DSCAM: variants seen among roughly 807,000 people sequenced by gnomAD.
DSCAM encodes cell adhesion molecule DSCAM.
DSCAM carries 47 observed loss-of-function variants against 217.7 expected under a neutral mutation model. That is an observed-to-expected ratio of 0.22 (90% CI 0.17 to 0.28). DSCAM has a LOEUF of 0.28. Among genes scored for constraint, DSCAM ranks in the 10% least tolerant of loss-of-function variants. DSCAM has a pLI of 1.00. For synonymous variants in DSCAM, 1,056 were observed against 1,015.3 expected (o/e 1.04, Z -0.76); for missense variants, 2,080 against 2,618.3 (o/e 0.79, Z 4.49).
chr21:40,640,240 C>G (rs1458362568), intron 3 of DSCAM, among the ~76,000 whole-genome samples: 1 of 148,228 alleles, frequency 6.7e-6, no homozygotes, highest in East Asian at 2.0e-4. Flanking sequence ...ACAAGGCCAC[C>G]TTTTCTTTTT....
At chr21:40,382,962 T>G (rs1309872565) in intron 3 of DSCAM, 1 of 152,230 alleles carries the variant, frequency 6.6e-6, no homozygotes, top group Non-Finnish European at 1.5e-5. Flanking sequence ...AAAGTAAAAG[T>G]GCAAACAATT....
chr21:40,181,986 G>A (rs1043184980), intron 14 of DSCAM, among the ~76,000 whole-genome samples: 1 of 152,056 alleles, frequency 6.6e-6, no homozygotes, highest in African/African-American at 2.4e-5. Context: ...TGAGGAAGGA[G>A]TGAAGAGCTG....
intron 3 of DSCAM, among the ~76,000 whole-genome samples, chr21:40,465,299 T>C (rs1388909980): frequency 6.6e-6 from 1 of 152,162 alleles, no homozygotes; most frequent in Non-Finnish European, 1.5e-5. Flanking sequence ...CTTTTCTCTC[T>C]CCCCACAATG....
At chr21:40,121,791 G>T (rs2090037934) in intron 20 of DSCAM, among the ~76,000 whole-genome samples, 1 of 145,686 alleles carries the variant, frequency 6.9e-6, no homozygotes, top group Admixed American at 7.1e-5. Flanking sequence ...CCAGGTTCAA[G>T]AGTTTCTCCT....
chr21:40,183,256 G>C lies in DSCAM; in HGVS notation c.2779+3875C>G, dbSNP rs1882790. On this transcript the variant is annotated intron_variant, in intron 14 of 32. Coordinates refer to ENST00000400454, the MANE Select transcript of DSCAM (RefSeq NM_001389.5). Reference sequence around the variant, plus strand: ...CAGACGAATCTGCTGGAGGTCCCCAGACAATATGCTCGAAGGGATGTTAAA... The same window carrying C: ...CAGACGAATCTGCTGGAGGTCCCCACACAATATGCTCGAAGGGATGTTAAA... Among the ~76,000 whole-genome samples, 254 of 152,324 alleles carry C rather than the reference G, an allele frequency of 1.7e-3. 1 individual carries two copies. The highest frequency in any genetic ancestry group is 5.6e-3 in the African/African-American group (234 of 41,576).
intron 3 of DSCAM, among the ~76,000 whole-genome samples, chr21:40,487,282 T>C (rs2076036934): frequency 6.7e-6 from 1 of 148,246 alleles, no homozygotes. Flanking sequence ...TCTGTGTGTG[T>C]GCATGTGTGC....
At chr21:40,172,537 CAA>C (rs2090670800) in intron 15 of DSCAM, among the ~76,000 whole-genome samples, 1 of 152,226 alleles carries the variant, frequency 6.6e-6, no homozygotes, top group African/African-American at 2.4e-5. Context: ...CCCAGCTGGA[CAA>C]CCTCCCACTG....
intron 10 of DSCAM, among the ~76,000 whole-genome samples, chr21:40,280,604 A>G (rs1348527781): frequency 1.3e-5 from 2 of 152,208 alleles, no homozygotes; most frequent in African/African-American, 4.8e-5. Context: ...AGAATTTTGG[A>G]TTAGGGAATC....
At chr21:40,270,950 T>A (rs2073608035) in intron 11 of DSCAM, among the ~76,000 whole-genome samples, 1 of 152,244 alleles carries the variant, frequency 6.6e-6, no homozygotes. Context: ...TAGATACACA[T>A]GTTTTCAACA....
intron 11 of DSCAM, among the ~76,000 whole-genome samples, chr21:40,250,618 C>T (rs1435738307): frequency 2.0e-5 from 3 of 152,206 alleles, no homozygotes; most frequent in Non-Finnish European, 4.4e-5. Context: ...CCTTTCATCC[C>T]CGTCACTAAT....
At chr21:40,471,941 C>T (rs1019992498) in intron 3 of DSCAM, among the ~76,000 whole-genome samples, 22 of 152,266 alleles carry the variant, frequency 1.4e-4, no homozygotes, top group Admixed American at 4.6e-4. Context: ...TATTCCTCCC[C>T]GTTCTCCCCA....
At chr21:40,094,825 A>G (rs770679859) in intron 20 of DSCAM, among the ~76,000 whole-genome samples, 2 of 152,240 alleles carry the variant, frequency 1.3e-5, no homozygotes, top group Non-Finnish European at 2.9e-5. Context: ...AAAGGTCAAG[A>G]ATATTTATAG....
chr21:40,739,509 T>A (rs183150642), intron 1 of DSCAM, among the ~76,000 whole-genome samples: 6 of 152,230 alleles, frequency 3.9e-5, no homozygotes, highest in African/African-American at 1.4e-4. Context: ...CTCTTTCCTG[T>A]GTCTTCACAG....
chr21:40,372,656 G>C (rs1303505307), intron 3 of DSCAM, among the ~76,000 whole-genome samples: 3 of 152,130 alleles, frequency 2.0e-5, no homozygotes, highest in African/African-American at 7.2e-5. Context: ...GTCTTTATTA[G>C]CTTTTCTGCT....
intron 3 of DSCAM, among the ~76,000 whole-genome samples, chr21:40,435,197 G>A (rs557296956): frequency 3.6e-4 from 55 of 152,334 alleles, no homozygotes; most frequent in African/African-American, 1.0e-3. Context: ...GCCTTGCCCC[G>A]CAGCTGCCAA....
intron 19 of DSCAM, among the ~76,000 whole-genome samples, chr21:40,130,837 G>A (rs1016175071): frequency 6.6e-6 from 1 of 152,102 alleles, no homozygotes; most frequent in Non-Finnish European, 1.5e-5. Flanking sequence ...GCCTTTATTA[G>A]GGTTAAGTTT....
At chr21:40,629,365 A>C (rs2089656050) in intron 3 of DSCAM, among the ~76,000 whole-genome samples, 2 of 152,198 alleles carry the variant, frequency 1.3e-5, no homozygotes, top group Admixed American at 1.3e-4. Context: ...AAAAATGTGC[A>C]ATTGTGCATT....
At chr21:40,704,678 T>C (rs1161429512) in intron 2 of DSCAM, among the ~76,000 whole-genome samples, 1 of 152,098 alleles carries the variant, frequency 6.6e-6, no homozygotes, top group East Asian at 1.9e-4. Context: ...ATCCCATCAC[T>C]GCACTCCGAC....
In DSCAM at chr21:40,156,329, GAGA is replaced by G. The variant is rs2090478456; in HGVS notation, c.3018+10886_3018+10888del. Among the ~76,000 whole-genome samples, 5 of 142,028 alleles carry G rather than the reference GAGA, an allele frequency of 3.5e-5. No homozygotes were observed. The South Asian group carries it at 8.7e-4, about 25-fold the overall frequency. 93.2% of individuals were successfully genotyped at this position (142,028 alleles called of 152,430 possible). The stretch of plus-strand genomic sequence containing the variant: ...AGAGAGAGAGAGAGAGAGAGAGAGA[GAGA>G]GAGAGAGAAAGGGGCTTGTAAAGGA... On this transcript the variant is annotated intron_variant, in intron 16 of 32. Coordinates refer to ENST00000400454, the MANE Select transcript of DSCAM (RefSeq NM_001389.5).
Sources: allele counts gnomAD v4.1 joint callset (sites outside exome capture counted in the v4.1 genomes callset), GRCh38; gene constraint gnomAD v4.1.1; transcripts MANE v1.5; gene names NCBI Gene and HGNC (gene_info 2026-07-23, HGNC 2026-07-21).